The following CSMD1 variants were observed in gnomAD, a reference collection of about 807,000 sequenced individuals.
CSMD1 encodes the protein CUB and sushi domain-containing protein 1.
In CSMD1, 213 loss-of-function variants were observed where a neutral mutation model predicts 417.5. The observed-to-expected ratio is 0.51, with a 90% CI of 0.46 to 0.57. The LOEUF is 0.57. CSMD1 is among the 20% of genes least tolerant of loss of function. The pLI, the probability that CSMD1 is intolerant of heterozygous loss-of-function variation, is 0.00. For missense variants in CSMD1, 6,923 were observed against 4,529.7 expected, an observed-to-expected ratio of 1.53 and a Z score of -15.17; for synonymous variants, 2,862 against 1,736.8, an observed-to-expected ratio of 1.65 and a Z score of -16.11.
At chr8:2,985,547 A>G (rs1805819714) in intron 54 of CSMD1, among the ~76,000 whole-genome samples, 1 of 152,254 alleles carries the variant, frequency 6.6e-6, no homozygotes, top group African/African-American at 2.4e-5. Context: ...TGCATAGGCA[A>G]TATATAGGCA....
intron 3 of CSMD1, among the ~76,000 whole-genome samples, chr8:4,176,554 C>A (rs1798052556): frequency 6.6e-6 from 1 of 151,818 alleles, no homozygotes. Flanking sequence ...ACTAATATAC[C>A]CCATTTTGGC....
chr8:4,356,621 T>C lies in CSMD1; in HGVS notation c.415+63332A>G, dbSNP rs1442478615. 5.9e-5 allele frequency among the ~76,000 whole-genome samples: 9 copies of C among 152,322 alleles called. No homozygotes were observed. In the South Asian group the frequency reaches 1.0e-3, roughly 18 times the overall value. On this transcript the variant is annotated intron_variant, in intron 3 of 69. Coordinates refer to ENST00000635120, the MANE Select transcript of CSMD1 (RefSeq NM_033225.6). The stretch of plus-strand genomic sequence containing the variant: ...GTAAGCATCTTGGCTGTTTTCACTG[T>C]GTCTGCTTTATTCTGGTCCTGCGAA...
rs1052126190 is a variant in CSMD1 at position 4,494,809 on chromosome 8, C to G, written c.303-74744G>C. Among the ~76,000 whole-genome samples the G allele has an allele frequency of 4.6e-5, 7 of 151,986 alleles. No homozygotes were observed. The East Asian group carries it at 1.4e-3, about 29-fold the overall frequency. ...TTTCTATAATTTTGTGGAAAATAGA[C>G]TAGGAAAGAGAATAAACTTAGAAAA... is the stretch of plus-strand genomic sequence containing the variant. On this transcript the variant is annotated intron_variant, in intron 2 of 69. Transcript: ENST00000635120.
At chr8:3,970,245 A>G (rs17068283) in intron 5 of CSMD1, among the ~76,000 whole-genome samples, 2,224 of 152,288 alleles carry the variant, frequency 0.015, 50 homozygotes, top group African/African-American at 0.05. Context: ...AATTTAATCA[A>G]CTAAACAGAC....
At chr8:3,729,022 A>T (rs1315607283) in intron 6 of CSMD1, among the ~76,000 whole-genome samples, 1 of 152,198 alleles carries the variant, frequency 6.6e-6, no homozygotes, top group African/African-American at 2.4e-5. Flanking sequence ...GAGCCCCGCC[A>T]AACCGACCAG....
At chr8:3,530,608 G>A (rs1042510827) in intron 10 of CSMD1, among the ~76,000 whole-genome samples, 3 of 152,098 alleles carry the variant, frequency 2.0e-5, no homozygotes, top group Admixed American at 6.5e-5. Flanking sequence ...AGCAACCTCT[G>A]CCTTCTGGGT....
intron 3 of CSMD1, among the ~76,000 whole-genome samples, chr8:4,198,716 A>G (rs531586102): frequency 4.5e-4 from 69 of 152,242 alleles, no homozygotes; most frequent in African/African-American, 1.6e-3. Flanking sequence ...AGTGTATTTT[A>G]ATATAATTGG....
chr8:2,966,349 G>C (rs749772111), intron 58 of CSMD1, among the ~76,000 whole-genome samples: 1 of 152,088 alleles, frequency 6.6e-6, no homozygotes, highest in African/African-American at 2.4e-5. Flanking sequence ...ATGTTTGACT[G>C]AACTGGCCTT....
At chr8:4,729,048 G>A (rs953504739) in intron 1 of CSMD1, among the ~76,000 whole-genome samples, 20 of 152,182 alleles carry the variant, frequency 1.3e-4, no homozygotes, top group Non-Finnish European at 2.1e-4. Context: ...TAAATTCACT[G>A]ATGACCTGAA....
At chr8:4,808,355 G>C (rs187894964) in intron 1 of CSMD1, among the ~76,000 whole-genome samples, 2 of 152,136 alleles carry the variant, frequency 1.3e-5, no homozygotes, top group Admixed American at 1.3e-4. Context: ...GACAATCATT[G>C]GTAGGGCACT....
rs987936244 is a variant in CSMD1, at chr8:2,962,711, C to G, written c.9455-72G>C. The stretch of plus-strand genomic sequence containing the variant: ...CAGCTTCACCAATTGAGCTTGGTAA[C>G]TAGTTTCTGTTAAATCTTTAGCTTT... On this transcript the variant is annotated intron_variant, in intron 60 of 69. Transcript: ENST00000635120. 5 of 1,461,384 alleles carry G rather than the reference C, an allele frequency of 3.4e-6. No homozygotes were observed. The African/African-American group carries it at 7.1e-5, about 21-fold the overall frequency. 90.5% of individuals were successfully genotyped at this position (1,461,384 alleles called of 1,614,324 possible). A position where few individuals can be genotyped will look rare whatever the true frequency, so the allele number is the denominator to read the frequency against.
chr8:4,869,861 T>G (rs1802634308), intron 1 of CSMD1, among the ~76,000 whole-genome samples: 1 of 152,084 alleles, frequency 6.6e-6, no homozygotes, highest in South Asian at 2.1e-4. Context: ...CTTTTTTATA[T>G]TCTCTTTTTT....
At chr8:4,862,240 G>A (rs1256939542) in intron 1 of CSMD1, among the ~76,000 whole-genome samples, 1 of 152,010 alleles carries the variant, frequency 6.6e-6, no homozygotes, top group African/African-American at 2.4e-5. Context: ...AGGTAGAGAG[G>A]AGTGAACGAG....
intron 1 of CSMD1, among the ~76,000 whole-genome samples, chr8:4,889,274 G>C (rs1210114358): frequency 6.6e-6 from 1 of 152,040 alleles, no homozygotes; most frequent in South Asian, 2.1e-4. Context: ...AAAATCCATA[G>C]CCTAAATTGA....
intron 2 of CSMD1, among the ~76,000 whole-genome samples, chr8:4,518,691 A>G (rs991175950): frequency 3.0e-4 from 46 of 151,996 alleles, no homozygotes; most frequent in African/African-American, 1.1e-3. Flanking sequence ...GGTGCAGCAC[A>G]CCAACGTGGC....
At chr8:4,166,502 G>T (rs569916620) in intron 3 of CSMD1, among the ~76,000 whole-genome samples, 102 of 152,234 alleles carry the variant, frequency 6.7e-4, no homozygotes, top group African/African-American at 2.4e-3. Flanking sequence ...AAGTAACTCA[G>T]GAATGGAAAA....
chr8:3,389,645 A>G (rs574479555), intron 17 of CSMD1, among the ~76,000 whole-genome samples: 2 of 43,828 alleles, frequency 4.6e-5, no homozygotes. Flanking sequence ...AATGGTTTTA[A>G]TAAGTGAGGA....
At chr8:4,111,349 A>G (rs1023794997) in intron 3 of CSMD1, among the ~76,000 whole-genome samples, 3 of 152,218 alleles carry the variant, frequency 2.0e-5, no homozygotes, top group African/African-American at 7.2e-5. Context: ...AGACCTTGGG[A>G]AAAGTTTATT....
intron 4 of CSMD1, among the ~76,000 whole-genome samples, chr8:4,011,678 A>G (rs1442069479): frequency 6.6e-6 from 1 of 152,180 alleles, no homozygotes; most frequent in African/African-American, 2.4e-5. Flanking sequence ...TTTTTAAACT[A>G]CGAAATAATT....
Sources: allele counts gnomAD v4.1 joint callset (sites outside exome capture counted in the v4.1 genomes callset), GRCh38; gene constraint gnomAD v4.1.1; transcripts MANE v1.5; gene names NCBI Gene and HGNC (gene_info 2026-07-23, HGNC 2026-07-21).